PCDH9: variants seen among roughly 807,000 people sequenced by gnomAD.
PCDH9 encodes the protein protocadherin 9, also known as protocadherin-9.
Under a neutral mutation model 70.6 loss-of-function variants are expected in PCDH9, and 24 were observed. The observed-to-expected ratio is 0.34, with a 90% CI of 0.25 to 0.48. The LOEUF is 0.48. Ranked by LOEUF, PCDH9 falls within the 20% of genes least tolerant of loss-of-function variation. The probability of loss-of-function intolerance (pLI) is 0.99; values close to 1 mark genes in which losing one functional copy is unlikely to be tolerated. For synonymous variants in PCDH9, 562 were observed against 558.5 expected (o/e 1.01, Z -0.09); for missense variants, 1,281 against 1,503.6 (o/e 0.85, Z 2.45).
chr13:67,161,117 T>A (rs1239218399), intron 2 of PCDH9, among the ~76,000 whole-genome samples: 1 of 152,160 alleles, frequency 6.6e-6, no homozygotes, highest in African/African-American at 2.4e-5. Context: ...ACAATCCAGG[T>A]GTCTGGAGGA....
At chr13:66,371,702 G>T (rs868351564) in intron 4 of PCDH9, among the ~76,000 whole-genome samples, 1 of 151,966 alleles carries the variant, frequency 6.6e-6, no homozygotes, top group Non-Finnish European at 1.5e-5. Context: ...TTTAAATTGA[G>T]CTAATTTTTA....
At chr13:66,963,054 T>C (rs534872678) in intron 2 of PCDH9, among the ~76,000 whole-genome samples, 4 of 152,230 alleles carry the variant, frequency 2.6e-5, no homozygotes, top group African/African-American at 9.6e-5. Flanking sequence ...GCACACAACC[T>C]AGAACCCTCG....
At chr13:66,681,825 G>A (rs1157089512) in intron 3 of PCDH9, among the ~76,000 whole-genome samples, 1 of 151,744 alleles carries the variant, frequency 6.6e-6, no homozygotes, top group Non-Finnish European at 1.5e-5. Flanking sequence ...CACATTTACT[G>A]TTCTATTCCA....
intron 3 of PCDH9, among the ~76,000 whole-genome samples, chr13:66,705,816 A>G (rs2078703872): frequency 6.6e-6 from 1 of 152,248 alleles, no homozygotes; most frequent in Non-Finnish European, 1.5e-5. Flanking sequence ...CCATAAAAAT[A>G]ATTATAAACA....
intron 2 of PCDH9, among the ~76,000 whole-genome samples, chr13:67,061,218 A>C (rs2085532500): frequency 6.6e-6 from 1 of 152,058 alleles, no homozygotes. Context: ...CCATTACCCT[A>C]ATTTAAGCAG....
At chr13:66,409,504 G>T (rs1280126538) in intron 4 of PCDH9, among the ~76,000 whole-genome samples, 1 of 152,132 alleles carries the variant, frequency 6.6e-6, no homozygotes, top group African/African-American at 2.4e-5. Context: ...GCTATAAGGT[G>T]TGTGGTATTT....
intron 4 of PCDH9, among the ~76,000 whole-genome samples, chr13:66,444,670 C>T (rs997443518): frequency 3.3e-5 from 5 of 152,116 alleles, no homozygotes; most frequent in Non-Finnish European, 7.4e-5. Flanking sequence ...AAGCGATTCT[C>T]CTGTCTCAGT....
At chr13:66,350,595 T>C (rs1358642889) in intron 4 of PCDH9, among the ~76,000 whole-genome samples, 1 of 152,188 alleles carries the variant, frequency 6.6e-6, no homozygotes, top group Non-Finnish European at 1.5e-5. Context: ...ATTCTTCTGG[T>C]GTTTCAGGAC....
intron 2 of PCDH9, among the ~76,000 whole-genome samples, chr13:66,903,974 G>A (rs1008115996): frequency 2.0e-5 from 3 of 151,860 alleles, no homozygotes; most frequent in African/African-American, 7.3e-5. Context: ...ATTAGCCTGT[G>A]ACATGGATAT....
chr13:66,573,194 AT>A (rs1486801294), intron 4 of PCDH9, among the ~76,000 whole-genome samples: 1 of 140,284 alleles, frequency 7.1e-6, no homozygotes, highest in Non-Finnish European at 1.5e-5. Flanking sequence ...GATGCTGAAC[AT>A]TTTTTTCATA....
Position 66,520,576 on chromosome 13 carries a change from T to C in PCDH9, c.3340+110634A>G, listed in dbSNP as rs574331455. On this transcript the variant is annotated intron_variant, in intron 4 of 4. Transcript: ENST00000377865. ...ATTTTAATGCTTGTTGCCTTTAAAA[T>C]TAATCTATCGAATATCTGATTATTT... Among the ~76,000 whole-genome samples, 13 of 152,336 alleles carry C rather than the reference T, an allele frequency of 8.5e-5. No individual in the cohort carries two copies. The South Asian group carries it at 1.7e-3, about 19-fold the overall frequency.
chr13:66,975,240 A>G (rs1364423441), intron 2 of PCDH9, among the ~76,000 whole-genome samples: 1 of 152,036 alleles, frequency 6.6e-6, no homozygotes, highest in Non-Finnish European at 1.5e-5. Context: ...TATAACAATC[A>G]GAATTACTTT....
chr13:67,070,833 T>C (rs138162573), intron 2 of PCDH9, among the ~76,000 whole-genome samples: 1 of 152,286 alleles, frequency 6.6e-6, no homozygotes, highest in Non-Finnish European at 1.5e-5. Flanking sequence ...TCTGAAAACA[T>C]TGGTACTCAC....
chr13:66,785,219 T>G lies in PCDH9; in HGVS notation c.3138+118285A>C, dbSNP rs1162094641. On this transcript the variant is annotated intron_variant, in intron 3 of 4. Coordinates refer to ENST00000377865, the MANE Select transcript of PCDH9 (RefSeq NM_203487.3). ...TACATATCCATTGGATATTGTAGGT[T>G]TGTCTAATGTTTCACTAAAATAAGC... 2.0e-5 allele frequency among the ~76,000 whole-genome samples: 3 copies of G among 152,054 alleles called. No homozygotes were observed. In the East Asian group the frequency reaches 5.8e-4, roughly 29 times the overall value.
chr13:67,059,618 T>C (rs1315620899), intron 2 of PCDH9, among the ~76,000 whole-genome samples: 1 of 151,332 alleles, frequency 6.6e-6, no homozygotes, highest in African/African-American at 2.4e-5. Flanking sequence ...ACGGCTCAAG[T>C]GTCCTTTCAA....
At chr13:67,085,657 T>C (rs970378955) in intron 2 of PCDH9, among the ~76,000 whole-genome samples, 5 of 152,306 alleles carry the variant, frequency 3.3e-5, no homozygotes, top group Admixed American at 3.3e-4. Context: ...AATGTGCTTA[T>C]TTGGTCAAAC....
At chr13:66,937,913 G>A (rs1253950484) in intron 2 of PCDH9, among the ~76,000 whole-genome samples, 1 of 151,750 alleles carries the variant, frequency 6.6e-6, no homozygotes, top group Non-Finnish European at 1.5e-5. Context: ...CCCAATTCAC[G>A]AATCATTCAT....
chr13:66,315,494 T>G (rs571477855), intron 4 of PCDH9, among the ~76,000 whole-genome samples: 4 of 152,316 alleles, frequency 2.6e-5, no homozygotes, highest in African/African-American at 4.8e-5. Flanking sequence ...TTTTTTTTGT[T>G]TTTTTGAAAT....
chr13:66,523,189 G>A (rs1960073817), intron 4 of PCDH9, among the ~76,000 whole-genome samples: 1 of 151,980 alleles, frequency 6.6e-6, no homozygotes, highest in Non-Finnish European at 1.5e-5. Context: ...TGTGTGAAAT[G>A]CTGCGTACTC....
Sources: gnomAD v4.1 joint callset for allele counts (sites outside exome capture counted in the v4.1 genomes callset) on GRCh38, gnomAD v4.1.1 for gene constraint, MANE v1.5 for transcripts, NCBI Gene and HGNC (gene_info 2026-07-23, HGNC 2026-07-21) for gene names.